Variants in MACROD2 observed in about 807,000 individuals in gnomAD.
MACROD2 encodes the protein ADP-ribose glycohydrolase MACROD2.
MACROD2 carries 36 observed loss-of-function variants against 70.4 expected under a neutral mutation model. The ratio of observed to expected loss-of-function variants is 0.51; its 90% CI spans 0.39 to 0.68. The LOEUF (loss-of-function observed/expected upper bound fraction) is 0.68. Among genes scored for constraint, MACROD2 ranks in the 30% least tolerant of loss-of-function variants. The pLI is 0.00. For synonymous variants in MACROD2, 172 were observed against 178.8 expected (o/e 0.96, Z 0.30); for missense variants, 496 against 538.4 (o/e 0.92, Z 0.78).
chr20:14,023,521 T>C (rs1330911558), intron 2 of MACROD2, among the ~76,000 whole-genome samples: 2 of 152,336 alleles, frequency 1.3e-5, no homozygotes, highest in Middle Eastern at 3.4e-3. Context: ...TTCTAGGGTT[T>C]TTATGGTTTT....
At chr20:14,692,008 C>T (rs1433949338) in intron 5 of MACROD2, among the ~76,000 whole-genome samples, 1 of 152,096 alleles carries the variant, frequency 6.6e-6, no homozygotes, top group Non-Finnish European at 1.5e-5. Flanking sequence ...TTACATTAAG[C>T]AGTTTCATAC....
intron 3 of MACROD2, among the ~76,000 whole-genome samples, chr20:14,187,064 A>G (rs1381076113): frequency 6.6e-6 from 1 of 151,214 alleles, no homozygotes; most frequent in Non-Finnish European, 1.5e-5. Context: ...CGTACAATTT[A>G]CCCATGTAAC....
chr20:14,033,849 A>G (rs1324131693), intron 2 of MACROD2, among the ~76,000 whole-genome samples: 2 of 152,208 alleles, frequency 1.3e-5, no homozygotes. Flanking sequence ...TATCACACAG[A>G]ATGATGCTCT....
intron 8 of MACROD2, among the ~76,000 whole-genome samples, chr20:15,764,850 A>G (rs1568547772): frequency 6.6e-6 from 1 of 152,064 alleles, no homozygotes; most frequent in Non-Finnish European, 1.5e-5. Context: ...TTCTCATCTC[A>G]GCCTACGATG....
At chr20:15,893,101 C>A in intron 10 of MACROD2, 1 of 399,632 alleles carries the variant, frequency 2.5e-6, no homozygotes, top group South Asian at 1.3e-4. Context: ...CACTCATGTT[C>A]AGATATTCCT....
At chr20:14,457,833 A>T (rs2084321012) in intron 3 of MACROD2, among the ~76,000 whole-genome samples, 1 of 152,094 alleles carries the variant, frequency 6.6e-6, no homozygotes. Context: ...GAGGGCTGGG[A>T]TCATGCCTGT....
chr20:14,977,067 CA>C (rs1464121388), intron 5 of MACROD2, among the ~76,000 whole-genome samples: 3 of 151,992 alleles, frequency 2.0e-5, no homozygotes, highest in African/African-American at 7.2e-5. Flanking sequence ...GAAGAAAATG[CA>C]AAAACAGGGT....
chr20:15,317,800 C>T (rs547849592), intron 6 of MACROD2, among the ~76,000 whole-genome samples: 1 of 151,798 alleles, frequency 6.6e-6, no homozygotes, highest in African/African-American at 2.4e-5. Context: ...TTTCAGTTAA[C>T]TGGTTGAAGC....
chr20:15,149,390 G>C (rs773392498), intron 5 of MACROD2, among the ~76,000 whole-genome samples: 17 of 151,994 alleles, frequency 1.1e-4, no homozygotes, highest in Non-Finnish European at 1.8e-4. Flanking sequence ...TCAGGGTGAG[G>C]AACAGGAAAG....
At chr20:14,538,404 C>T (rs955289454) in intron 4 of MACROD2, among the ~76,000 whole-genome samples, 2 of 152,198 alleles carry the variant, frequency 1.3e-5, no homozygotes, top group Non-Finnish European at 1.5e-5. Context: ...GTTACACTTC[C>T]TCTCTTCAGT....
chr20:15,856,894 T>C (rs562625078), intron 8 of MACROD2, among the ~76,000 whole-genome samples: 1 of 152,170 alleles, frequency 6.6e-6, no homozygotes, highest in South Asian at 2.1e-4. Flanking sequence ...ACCAAGAAGA[T>C]GGGCCGGGAC....
chr20:15,709,405 A>G (rs2050591225), intron 8 of MACROD2, among the ~76,000 whole-genome samples: 1 of 152,138 alleles, frequency 6.6e-6, no homozygotes, highest in African/African-American at 2.4e-5. Flanking sequence ...TCATGTCTGT[A>G]ATCCCAGCAC....
chr20:15,056,510 A>G (rs1040849010), intron 5 of MACROD2, among the ~76,000 whole-genome samples: 3 of 152,166 alleles, frequency 2.0e-5, no homozygotes, highest in African/African-American at 7.2e-5. Flanking sequence ...GACAGCAGTA[A>G]TGTTCACAGC....
At chr20:15,899,615 C>A (rs1389301460) in intron 10 of MACROD2, among the ~76,000 whole-genome samples, 6 of 152,218 alleles carry the variant, frequency 3.9e-5, no homozygotes, top group Admixed American at 6.5e-5. Flanking sequence ...ATACCTGAGT[C>A]TCCAAAGCCT....
intron 4 of MACROD2, among the ~76,000 whole-genome samples, chr20:14,511,263 A>G (rs993686140): frequency 1.3e-5 from 2 of 151,778 alleles, no homozygotes; most frequent in African/African-American, 4.9e-5. Flanking sequence ...AAAATAACTG[A>G]AAGAGTGTAT....
chr20:14,065,346 C>T (rs567693880), intron 2 of MACROD2, among the ~76,000 whole-genome samples: 2 of 152,304 alleles, frequency 1.3e-5, no homozygotes, highest in South Asian at 4.1e-4. Flanking sequence ...TATATTTGCT[C>T]ACCTAATTTT....
At chr20:15,885,068 G>C (rs1310187088) in intron 9 of MACROD2, among the ~76,000 whole-genome samples, 1 of 152,086 alleles carries the variant, frequency 6.6e-6, no homozygotes, top group Non-Finnish European at 1.5e-5. Context: ...ATTTTGGGGG[G>C]ATACAGATAT....
chr20:14,739,379 C>T (rs2071706258), intron 5 of MACROD2, among the ~76,000 whole-genome samples: 1 of 151,784 alleles, frequency 6.6e-6, no homozygotes, highest in Non-Finnish European at 1.5e-5. Context: ...TACATATATT[C>T]ATCTTCACCT....
chr20:14,133,592 A>T (rs2054748699), intron 3 of MACROD2, among the ~76,000 whole-genome samples: 1 of 152,196 alleles, frequency 6.6e-6, no homozygotes, highest in South Asian at 2.1e-4. Context: ...ACCATTTCAG[A>T]TAGGTTTGTT....
Sources: allele counts gnomAD v4.1 joint callset (sites outside exome capture counted in the v4.1 genomes callset), GRCh38; gene constraint gnomAD v4.1.1; transcripts MANE v1.5; gene names NCBI Gene and HGNC (gene_info 2026-07-23, HGNC 2026-07-21).